Variants in VPS13B observed in about 807,000 individuals in gnomAD.
VPS13B encodes the protein intermembrane lipid transfer protein VPS13B.
In VPS13B, 285 loss-of-function variants were observed where a neutral mutation model predicts 426.4. That is an observed-to-expected ratio of 0.67 (90% CI 0.61 to 0.74). The LOEUF is 0.74. Among genes scored for constraint, VPS13B ranks in the 30% least tolerant of loss-of-function variants. The pLI is 0.00. For synonymous variants in VPS13B, 1,676 were observed against 1,676.4 expected, an observed-to-expected ratio of 1.00 and a Z score of 0.01; for missense variants, 4,537 against 4,782.6, an observed-to-expected ratio of 0.95 and a Z score of 1.51.
At chr8:99,033,973 T>C (rs1440883575) in intron 2 of VPS13B, among the ~76,000 whole-genome samples, 2 of 152,242 alleles carry the variant, frequency 1.3e-5, no homozygotes, top group African/African-American at 2.4e-5. Flanking sequence ...AGTCTTTGTG[T>C]ACCAAGTCCT....
chr8:99,124,410 T>G (rs1287127578), intron 8 of VPS13B, among the ~76,000 whole-genome samples: 1 of 152,200 alleles, frequency 6.6e-6, no homozygotes, highest in African/African-American at 2.4e-5. Flanking sequence ...AGCTATTTTA[T>G]TTCTAGGTAT....
At chr8:99,117,907 C>T (rs1323412224) in intron 7 of VPS13B, among the ~76,000 whole-genome samples, 1 of 151,994 alleles carries the variant, frequency 6.6e-6, no homozygotes, top group East Asian at 1.9e-4. Context: ...AATTGTACAC[C>T]TTTAAATGTT....
intron 22 of VPS13B, among the ~76,000 whole-genome samples, chr8:99,433,078 G>C (rs1817198125): frequency 6.6e-6 from 1 of 152,188 alleles, no homozygotes; most frequent in South Asian, 2.1e-4. Flanking sequence ...AGAAGAATCA[G>C]GAAACATTTG....
intron 30 of VPS13B, 136 bp from the exon 31 acceptor site, chr8:99,556,314 T>A: frequency 1.1e-6 from 1 of 895,722 alleles, no homozygotes; most frequent in South Asian, 1.5e-5. Flanking sequence ...TTTTCATAGA[T>A]GTGCCCCAGT....
At chr8:99,275,023 C>A in intron 18 of VPS13B, 58 bp from the exon 19 acceptor site, 1 of 1,431,592 alleles carries the variant, frequency 7.0e-7, no homozygotes, top group South Asian at 1.4e-5. Flanking sequence ...TAAAATCAAA[C>A]ATTCTCAAGT....
chr8:99,363,357 A>G (rs1397599217), intron 19 of VPS13B, among the ~76,000 whole-genome samples: 2 of 152,114 alleles, frequency 1.3e-5, no homozygotes, highest in South Asian at 2.1e-4. Flanking sequence ...TGCCTGTGCC[A>G]TGTTATTTTG....
intron 33 of VPS13B, among the ~76,000 whole-genome samples, chr8:99,625,812 C>A (rs1828587323): frequency 6.6e-6 from 1 of 152,152 alleles, no homozygotes; most frequent in Admixed American, 6.5e-5. Context: ...CGCCACTGTA[C>A]TCCAGCCTGG....
intron 17 of VPS13B, among the ~76,000 whole-genome samples, chr8:99,255,464 G>T (rs1017951165): frequency 3.3e-5 from 5 of 152,046 alleles, no homozygotes; most frequent in African/African-American, 1.2e-4. Context: ...TGGATGTTTG[G>T]ATATTGTTTT....
intron 29 of VPS13B, among the ~76,000 whole-genome samples, chr8:99,519,756 A>C (rs573564122): frequency 1.4e-5 from 2 of 140,102 alleles, no homozygotes; most frequent in African/African-American, 5.2e-5. Flanking sequence ...AACAATGAGA[A>C]CACATGGACA....
rs370661776 is a variant in VPS13B, at chr8:99,361,630, C to T, written c.2825-22578C>T. 5.3e-5 allele frequency among the ~76,000 whole-genome samples: 8 copies of T among 152,268 alleles called. No individual in the cohort carries two copies. In the South Asian group the frequency reaches 8.3e-4, roughly 16 times the overall value. Reference sequence around the variant, plus strand: ...CCTACCAGAGCACTGTCTCTCCTTGCGCACAGGACACACTGAGTCTTTTCT... The same window carrying T: ...CCTACCAGAGCACTGTCTCTCCTTGTGCACAGGACACACTGAGTCTTTTCT... On this transcript the variant is annotated intron_variant, in intron 19 of 61. Transcript: ENST00000357162.
At chr8:99,326,451 G>GTTTTTTTTT (rs1563669420) in intron 19 of VPS13B, among the ~76,000 whole-genome samples, 14 of 19,712 alleles carry the variant, frequency 7.1e-4, no homozygotes, top group Non-Finnish European at 1.0e-3. Flanking sequence ...TCTCTAGGTA[G>GTTTTTTTTT]CTTTTTTTTT....
chr8:99,253,515 C>A (rs1817608718), intron 17 of VPS13B, among the ~76,000 whole-genome samples: 2 of 152,082 alleles, frequency 1.3e-5, no homozygotes, highest in African/African-American at 4.8e-5. Context: ...TTATTATAAC[C>A]ATTTTACTTG....
intron 17 of VPS13B, among the ~76,000 whole-genome samples, chr8:99,208,721 A>T (rs572342102): frequency 2.0e-5 from 3 of 152,224 alleles, no homozygotes; most frequent in Non-Finnish European, 4.4e-5. Context: ...TCTTATTATC[A>T]TAGATTGACT....
At chr8:99,398,072 CT>C (rs1260050343) in intron 21 of VPS13B, among the ~76,000 whole-genome samples, 1 of 152,024 alleles carries the variant, frequency 6.6e-6, no homozygotes, top group East Asian at 1.9e-4. Context: ...AAATATTTTC[CT>C]TTTAGTATGC....
At chr8:99,763,802 A>G (rs1045250441) in intron 39 of VPS13B, among the ~76,000 whole-genome samples, 1 of 152,188 alleles carries the variant, frequency 6.6e-6, no homozygotes, top group Non-Finnish European at 1.5e-5. Flanking sequence ...GTTTAATGCC[A>G]TGGATATGTC....
At chr8:99,568,292 TATTATTA>T (rs1825289364) in intron 31 of VPS13B, among the ~76,000 whole-genome samples, 1 of 147,878 alleles carries the variant, frequency 6.8e-6, no homozygotes. Context: ...TTATTATTAT[TATTATTA>T]TTTTTTTTTG....
At chr8:99,274,418 A>T in intron 18 of VPS13B, 86 bp downstream of exon 18, 1 of 1,594,270 alleles carries the variant, frequency 6.3e-7, no homozygotes, top group East Asian at 2.2e-5. Flanking sequence ...CTGAAACAAG[A>T]ATTTACTCAC....
At chr8:99,150,871 T>C (rs1285063466) in intron 14 of VPS13B, among the ~76,000 whole-genome samples, 1 of 152,190 alleles carries the variant, frequency 6.6e-6, no homozygotes, top group African/African-American at 2.4e-5. Context: ...GGTGTGGGCA[T>C]GTTTTCAACT....
At chr8:99,635,041 C>CCA (rs1246849770) in intron 33 of VPS13B, among the ~76,000 whole-genome samples, 2 of 151,884 alleles carry the variant, frequency 1.3e-5, no homozygotes, top group Non-Finnish European at 2.9e-5. Context: ...CCCAACCACC[C>CCA]CACCCTACCT....
Sources: allele counts gnomAD v4.1 joint callset (sites outside exome capture counted in the v4.1 genomes callset), GRCh38; gene constraint gnomAD v4.1.1; transcripts MANE v1.5; gene names NCBI Gene and HGNC (gene_info 2026-07-23, HGNC 2026-07-21).